WWTR1: variants seen among roughly 807,000 people sequenced by gnomAD.
The protein encoded by WWTR1 is WW domain-containing transcription regulator protein 1.
Under a neutral mutation model 40.1 loss-of-function variants are expected in WWTR1, and 13 were observed. The observed-to-expected ratio is 0.32, with a 90% CI of 0.21 to 0.52. The LOEUF (loss-of-function observed/expected upper bound fraction) is 0.52. WWTR1 is among the 20% of genes least tolerant of loss of function. WWTR1 has a pLI of 0.97. For missense variants in WWTR1, 436 were observed against 523.1 expected, an observed-to-expected ratio of 0.83 and a Z score of 1.63; for synonymous variants, 230 against 210.1, an observed-to-expected ratio of 1.09 and a Z score of -0.82.
At chr3:149,609,395 C>A (rs1477011192) in intron 2 of WWTR1, among the ~76,000 whole-genome samples, 2 of 152,198 alleles carry the variant, frequency 1.3e-5, no homozygotes, top group Non-Finnish European at 2.9e-5. Flanking sequence ...GCAAACTATG[C>A]CCTGCACCCA....
intron 2 of WWTR1, among the ~76,000 whole-genome samples, chr3:149,575,766 G>T (rs1241455833): frequency 6.6e-6 from 1 of 152,174 alleles, no homozygotes; most frequent in Non-Finnish European, 1.5e-5. Flanking sequence ...AGCATAGGAA[G>T]CCCAGCATCT....
intron 2 of WWTR1, among the ~76,000 whole-genome samples, chr3:149,628,763 T>TTTTATTTTAC (rs1373634077): frequency 2.0e-5 from 3 of 151,188 alleles, no homozygotes; most frequent in African/African-American, 7.3e-5. Context: ...TTTTATTTTA[T>TTTTATTTTAC]TTTATTTTAT....
chr3:149,657,504 C>G, intron 1 of WWTR1, 195 bp from the exon 2 acceptor site: 1 of 631,770 alleles, frequency 1.6e-6, no homozygotes. Context: ...CCCTCCTGGC[C>G]TCGAGAATTA....
chr3:149,714,285 G>A (rs1576650295), intron 5 of WWTR1, among the ~76,000 whole-genome samples: 4 of 152,248 alleles, frequency 2.6e-5, no homozygotes, highest in Admixed American at 2.0e-4. Context: ...CAGGAGCCCC[G>A]CCCTCCTGGA....
At chr3:149,535,145 T>G (rs933417096) in intron 4 of WWTR1, among the ~76,000 whole-genome samples, 24 of 152,092 alleles carry the variant, frequency 1.6e-4, no homozygotes, top group Non-Finnish European at 2.1e-4. Flanking sequence ...GCTGCTCTGC[T>G]TGATTTAAGT....
intron 2 of WWTR1, among the ~76,000 whole-genome samples, chr3:149,626,837 T>C (rs1265858855): frequency 2.6e-5 from 4 of 152,182 alleles, no homozygotes; most frequent in African/African-American, 9.7e-5. Context: ...GCACAGGTTG[T>C]TGAACACCTA....
intron 2 of WWTR1, among the ~76,000 whole-genome samples, chr3:149,574,649 T>C (rs1576572000): frequency 6.6e-6 from 1 of 152,276 alleles, no homozygotes; most frequent in South Asian, 2.1e-4. Context: ...TTTCAGTCTG[T>C]CTCCTCATTT....
intron 3 of WWTR1, among the ~76,000 whole-genome samples, chr3:149,553,339 T>C (rs1431973201): frequency 6.6e-6 from 1 of 152,176 alleles, no homozygotes; most frequent in African/African-American, 2.4e-5. Flanking sequence ...TTAAATTTGG[T>C]GATGAGGCCA....
intron 3 of WWTR1, among the ~76,000 whole-genome samples, chr3:149,568,859 C>T (rs889138660): frequency 6.6e-6 from 1 of 152,314 alleles, no homozygotes. Context: ...CTCCGCCTCC[C>T]GGGTTCACGC....
At chr3:149,711,648 AC>A (rs1715480160) in intron 5 of WWTR1, among the ~76,000 whole-genome samples, 1 of 152,238 alleles carries the variant, frequency 6.6e-6, no homozygotes, top group African/African-American at 2.4e-5. Context: ...CCAAAGGCCA[AC>A]TTTAATAATC....
intron 2 of WWTR1, among the ~76,000 whole-genome samples, chr3:149,589,796 GAATGAAT>G (rs1738612135): frequency 3.8e-5 from 1 of 26,128 alleles, no homozygotes; most frequent in East Asian, 4.0e-3. Flanking sequence ...TGAATTAAAG[GAATGAAT>G]GAATGAATGA....
intron 2 of WWTR1, among the ~76,000 whole-genome samples, chr3:149,576,778 T>C (rs980379880): frequency 2.6e-5 from 4 of 152,336 alleles, no homozygotes; most frequent in South Asian, 2.1e-4. Flanking sequence ...TAAACTGCTT[T>C]GTACTTTCCA....
intron 3 of WWTR1, among the ~76,000 whole-genome samples, chr3:149,564,797 A>G (rs1172917944): frequency 1.3e-5 from 2 of 152,262 alleles, no homozygotes; most frequent in African/African-American, 2.4e-5. Context: ...TAATTATAGC[A>G]TAAACAATTT....
chr3:149,667,229 C>T (rs1443310102), intron 2 of WWTR1, among the ~76,000 whole-genome samples: 1 of 152,026 alleles, frequency 6.6e-6, no homozygotes, highest in Non-Finnish European at 1.5e-5. Context: ...GAACTTGATG[C>T]ATTTTGTTAT....
At chr3:149,666,395 A>C (rs1193791839) in intron 2 of WWTR1, among the ~76,000 whole-genome samples, 1 of 152,216 alleles carries the variant, frequency 6.6e-6, no homozygotes, top group East Asian at 1.9e-4. Flanking sequence ...ATGCTTAAAA[A>C]TGGCTAAATT....
At chr3:149,588,590 A>G (rs764506364) in intron 2 of WWTR1, among the ~76,000 whole-genome samples, 1 of 152,214 alleles carries the variant, frequency 6.6e-6, no homozygotes, top group Non-Finnish European at 1.5e-5. Flanking sequence ...ATATTGTGGG[A>G]GTGAACATAA....
chr3:149,565,869 G>C (rs1290069117), intron 3 of WWTR1, among the ~76,000 whole-genome samples: 1 of 150,922 alleles, frequency 6.6e-6, no homozygotes, highest in Non-Finnish European at 1.5e-5. Flanking sequence ...TGGAGGTTGC[G>C]GTGAGCTGAG....
At chr3:149,559,980 C>A (rs879887434) in intron 3 of WWTR1, among the ~76,000 whole-genome samples, 1 of 152,144 alleles carries the variant, frequency 6.6e-6, no homozygotes, top group Non-Finnish European at 1.5e-5. Flanking sequence ...CCCTGAGGAC[C>A]AGACACCCAG....
At chr3:149,637,978 A>C (rs546877281) in intron 2 of WWTR1, among the ~76,000 whole-genome samples, 1 of 152,298 alleles carries the variant, frequency 6.6e-6, no homozygotes, top group East Asian at 1.9e-4. Context: ...GCACTTTGGG[A>C]GGCTGAGGTG....
Sources: allele counts gnomAD v4.1 joint callset (sites outside exome capture counted in the v4.1 genomes callset), GRCh38; gene constraint gnomAD v4.1.1; transcripts MANE v1.5; gene names NCBI Gene and HGNC (gene_info 2026-07-23, HGNC 2026-07-21).